Variants in NPFFR2 observed in about 807,000 individuals in gnomAD.
The protein encoded by NPFFR2 is neuropeptide FF receptor 2.
In NPFFR2, 15 loss-of-function variants were observed where a neutral mutation model predicts 13.1. The observed-to-expected ratio is 1.15, with a 90% CI of 0.77 to 1.76. The LOEUF (loss-of-function observed/expected upper bound fraction) is 1.76, where lower values mean the gene tolerates loss of function less well. Among genes scored for constraint, NPFFR2 ranks in the 40% most tolerant of loss-of-function variants. NPFFR2 has a pLI of 0.00. For missense variants in NPFFR2, 572 were observed against 503.5 expected, an observed-to-expected ratio of 1.14 and a Z score of -1.30; for synonymous variants, 190 against 175.7, an observed-to-expected ratio of 1.08 and a Z score of -0.65.
chr4:72,062,546 G>C (rs554097934), intron 1 of NPFFR2, among the ~76,000 whole-genome samples: 1 of 151,720 alleles, frequency 6.6e-6, no homozygotes, highest in Non-Finnish European at 1.5e-5. Flanking sequence ...AAGAAGTCGT[G>C]AGTCTTCATT....
At position 72,147,883 on chromosome 4, in the gene NPFFR2, G is replaced by T; in HGVS notation, c.*71G>T. On this transcript the variant is annotated 3_prime_UTR_variant, in exon 4 of 4. Transcript: ENST00000308744. ...TAAATCCATTGCTTTTTGTGGCTTT[G>T]CACTTCAAATTTTTCAAAGAATGTT... 8.6e-7 allele frequency: 1 copy of T among 1,166,966 alleles called. No homozygotes were observed. The highest frequency in any genetic ancestry group is 1.2e-6 in the Non-Finnish European group (1 of 861,596). 72.3% of individuals were successfully genotyped at this position (1,166,966 alleles called of 1,614,324 possible).
At chr4:72,082,516 A>G (rs1438946735) in intron 1 of NPFFR2, among the ~76,000 whole-genome samples, 1 of 152,092 alleles carries the variant, frequency 6.6e-6, no homozygotes, top group Non-Finnish European at 1.5e-5. Flanking sequence ...TATTTTATTT[A>G]TACACTATAT....
chr4:72,083,349 C>T (rs1196030074), intron 1 of NPFFR2, among the ~76,000 whole-genome samples: 4 of 152,166 alleles, frequency 2.6e-5, no homozygotes, highest in Admixed American at 2.6e-4. Flanking sequence ...CCTTCCAACA[C>T]TTGTTATATT....
intron 2 of NPFFR2, among the ~76,000 whole-genome samples, chr4:72,130,236 G>A (rs1722193850): frequency 6.6e-6 from 1 of 152,086 alleles, no homozygotes; most frequent in Non-Finnish European, 1.5e-5. Flanking sequence ...ATAAAGTTCA[G>A]GGCACATGTA....
intron 1 of NPFFR2, among the ~76,000 whole-genome samples, chr4:72,059,231 C>A (rs535039174): frequency 6.6e-6 from 1 of 152,052 alleles, no homozygotes; most frequent in East Asian, 1.9e-4. Context: ...AGTGTAATGA[C>A]AAGATGGGCA....
chr4:72,144,802 C>G (rs994703382), intron 3 of NPFFR2, among the ~76,000 whole-genome samples: 1 of 152,206 alleles, frequency 6.6e-6, no homozygotes, highest in African/African-American at 2.4e-5. Context: ...CTTGAATCTT[C>G]TTTCTGTCAA....
chr4:72,139,452 G>C (rs1214437703), intron 3 of NPFFR2, among the ~76,000 whole-genome samples: 1 of 152,086 alleles, frequency 6.6e-6, no homozygotes, highest in Non-Finnish European at 1.5e-5. Context: ...ATAAGGAAAG[G>C]ATCCAGTTTC....
At chr4:72,118,235 T>G (rs904189413) in intron 1 of NPFFR2, among the ~76,000 whole-genome samples, 1 of 152,168 alleles carries the variant, frequency 6.6e-6, no homozygotes, top group Non-Finnish European at 1.5e-5. Context: ...GATTAGTTAA[T>G]TTGGTCATTG....
At position 72,147,596 on chromosome 4, in the gene NPFFR2, G is replaced by T. The variant is rs770946580; in HGVS notation, c.1047G>T (p.Gln349His). Reference sequence around the variant, plus strand: ...GCCGTGGTTTCCAAGAAGCTTTCCAGCTCCAGCTCTGCCAAAAAAGAGCAA... The same window carrying T: ...GCCGTGGTTTCCAAGAAGCTTTCCATCTCCAGCTCTGCCAAAAAAGAGCAA... ...NFRRGFQEAF[Q>H]LQLCQKRAKP... The change falls in exon 4 of 4, where the codon CAG (glutamine) becomes CAT (histidine). Residue 349 changes from glutamine (Q) to histidine (H), a missense_variant. Gln to His is a conservative substitution (Grantham distance 24). Transcript: ENST00000308744. 31 of 1,614,160 alleles carry T rather than the reference G, an allele frequency of 1.9e-5. No homozygotes were observed. The highest frequency in any genetic ancestry group is 2.6e-5 in the Non-Finnish European group (31 of 1,180,028).
At chr4:72,074,952 A>T (rs1321501255) in intron 1 of NPFFR2, among the ~76,000 whole-genome samples, 5 of 111,222 alleles carry the variant, frequency 4.5e-5, no homozygotes, top group African/African-American at 1.6e-4. Context: ...TAAAAGATTC[A>T]ATATGGCAAA....
chr4:72,036,513 A>G (rs748330745), intron 1 of NPFFR2, among the ~76,000 whole-genome samples: 54 of 121,760 alleles, frequency 4.4e-4, no homozygotes, highest in Non-Finnish European at 5.9e-4. Flanking sequence ...GTGTGTGTGT[A>G]TATATATAAT....
intron 1 of NPFFR2, among the ~76,000 whole-genome samples, chr4:72,033,273 TATC>T (rs1266869783): frequency 6.6e-6 from 1 of 152,204 alleles, no homozygotes; most frequent in Non-Finnish European, 1.5e-5. Context: ...ATAGTGCCAT[TATC>T]ATCAACAGAA....
intron 1 of NPFFR2, among the ~76,000 whole-genome samples, chr4:72,085,055 TAAAAA>T (rs11407684): frequency 6.6e-6 from 1 of 150,434 alleles, no homozygotes; most frequent in African/African-American, 2.4e-5. Flanking sequence ...ATAATGTGCT[TAAAAA>T]AAAAGTCATT....
At chr4:72,085,716 A>G (rs368003075) in intron 1 of NPFFR2, among the ~76,000 whole-genome samples, 5 of 152,236 alleles carry the variant, frequency 3.3e-5, no homozygotes, top group African/African-American at 9.6e-5. Context: ...CTAGTTATGT[A>G]ATTTTTAAAA....
chr4:72,127,351 A>ATTTTTTTTTTTTTTTTTTTT (rs1560419389), intron 1 of NPFFR2, among the ~76,000 whole-genome samples: 1 of 123,388 alleles, frequency 8.1e-6, no homozygotes, highest in African/African-American at 3.4e-5. Flanking sequence ...ATTCTAAATA[A>ATTTTTTTTTTTTTTTTTTTT]TTTCTTTTCT....
chr4:72,089,116 A>G (rs1720845639), intron 1 of NPFFR2, among the ~76,000 whole-genome samples: 1 of 152,150 alleles, frequency 6.6e-6, no homozygotes, highest in South Asian at 2.1e-4. Context: ...TTCACTTAAA[A>G]TAATGGTTTT....
intron 1 of NPFFR2, among the ~76,000 whole-genome samples, chr4:72,094,945 C>T (rs986680188): frequency 6.6e-6 from 1 of 152,164 alleles, no homozygotes; most frequent in African/African-American, 2.4e-5. Context: ...GTCCTGCCTC[C>T]TATCTGCCGT....
intron 3 of NPFFR2, among the ~76,000 whole-genome samples, chr4:72,141,832 T>G (rs542518143): frequency 6.6e-6 from 1 of 152,304 alleles, no homozygotes; most frequent in Admixed American, 6.5e-5. Context: ...TTCTGTCTCA[T>G]TGATCTGTCT....
intron 2 of NPFFR2, among the ~76,000 whole-genome samples, chr4:72,130,544 A>T (rs895726645): frequency 3.3e-5 from 5 of 151,722 alleles, no homozygotes; most frequent in African/African-American, 1.2e-4. Flanking sequence ...GTTTATCATT[A>T]AAAAAAAATT....
Sources: gnomAD v4.1 joint callset for allele counts (sites outside exome capture counted in the v4.1 genomes callset) on GRCh38, gnomAD v4.1.1 for gene constraint, MANE v1.5 for transcripts, NCBI Gene and HGNC (gene_info 2026-07-23, HGNC 2026-07-21) for gene names.